PCDH17: variants seen among roughly 807,000 people sequenced by gnomAD.
The protein encoded by PCDH17 is protocadherin-17.
A neutral mutation model predicts 67.7 loss-of-function variants in PCDH17; 21 were observed. That is an observed-to-expected ratio of 0.31 (90% confidence interval 0.22 to 0.45). The LOEUF (loss-of-function observed/expected upper bound fraction) is 0.45. PCDH17 is among the 20% of genes least tolerant of loss of function. The pLI is 1.00. For missense variants in PCDH17, 1,471 were observed against 1,564.8 expected, an observed-to-expected ratio of 0.94 and a Z score of 1.01; for synonymous variants, 701 against 656.7, an observed-to-expected ratio of 1.07 and a Z score of -1.03.
chr13:57,666,280 C>T (rs752743074), intron 1 of PCDH17, among the ~76,000 whole-genome samples, 188 bp from the exon 2 acceptor site: 1 of 151,944 alleles, frequency 6.6e-6, no homozygotes, highest in African/African-American at 2.4e-5. Context: ...ATTTGTGGAC[C>T]GGAATCATTT....
Position 57,727,694 on chromosome 13 carries a change from A to G in PCDH17, c.*2400A>G, listed in dbSNP as rs563029323. The G allele has an allele frequency of 6.6e-6, 1 of 152,258 alleles. No homozygotes were observed. Among genetic ancestry groups the G allele is most frequent in the East Asian group, 1.9e-4 (1 of 5,178 alleles). The allele number at this position is 152,258 out of a possible 1,614,324, so 9.4% of individuals were successfully genotyped here. A position where few individuals can be genotyped will look rare whatever the true frequency, so the allele number is the denominator to read the frequency against. ...TGACTCTCTATATTTTGGACAATTT[A>G]TGTATCTGAAATGTGTTGTCTCTGT... On this transcript the variant is annotated 3_prime_UTR_variant, in exon 4 of 4. Coordinates refer to ENST00000377918, the MANE Select transcript of PCDH17 (RefSeq NM_001040429.3).
chr13:57,703,309 A>G (rs1189142566), intron 3 of PCDH17, among the ~76,000 whole-genome samples: 1 of 152,142 alleles, frequency 6.6e-6, no homozygotes, highest in Non-Finnish European at 1.5e-5. Flanking sequence ...CTTATAGATA[A>G]TTTGGGGTGC....
chr13:57,697,001 A>T (rs1955616339), intron 3 of PCDH17, among the ~76,000 whole-genome samples: 1 of 151,600 alleles, frequency 6.6e-6, no homozygotes, highest in Non-Finnish European at 1.5e-5. Context: ...TGTATTTTTA[A>T]GTAGGCTTGA....
At chr13:57,712,185 T>G (rs1593946629) in intron 3 of PCDH17, among the ~76,000 whole-genome samples, 2 of 151,848 alleles carry the variant, frequency 1.3e-5, no homozygotes, top group East Asian at 1.9e-4. Flanking sequence ...GTAGTTCACT[T>G]ATGGGTAGAC....
At chr13:57,647,856 G>T (rs1167702688) in intron 1 of PCDH17, among the ~76,000 whole-genome samples, 3 of 151,822 alleles carry the variant, frequency 2.0e-5, no homozygotes, top group Non-Finnish European at 4.4e-5. Context: ...TACTCCTGAA[G>T]AATAGAATGC....
intron 3 of PCDH17, among the ~76,000 whole-genome samples, chr13:57,672,847 A>C (rs895363451): frequency 2.6e-5 from 4 of 151,950 alleles, no homozygotes; most frequent in African/African-American, 9.7e-5. Context: ...GAGAGGGTCG[A>C]GATGCTTATT....
rs1033235260 is a variant in PCDH17 at position 57,632,431 on chromosome 13, C to T, written c.-116C>T. 1.0e-4 allele frequency: 107 copies of T among 1,046,116 alleles called. 1 individual carries two copies. The highest frequency in any genetic ancestry group is 1.4e-4 in the Non-Finnish European group (100 of 717,506). 64.8% of individuals were successfully genotyped at this position (1,046,116 alleles called of 1,614,324 possible). ...TCGGGTGCAGAGGGAAAAAAGGACC[C>T]ATAGACTTGTGGCTCGCGTCGCGCG... is the stretch of plus-strand genomic sequence containing the variant. On this transcript the variant is annotated 5_prime_UTR_variant, in exon 1 of 4. Transcript: ENST00000377918.
At chr13:57,673,798 G>A (rs1485951416) in intron 3 of PCDH17, among the ~76,000 whole-genome samples, 1 of 151,884 alleles carries the variant, frequency 6.6e-6, no homozygotes, top group African/African-American at 2.4e-5. Flanking sequence ...GCCCTGTAAG[G>A]TTTTACTAGA....
At chr13:57,700,911 C>T (rs1955657229) in intron 3 of PCDH17, among the ~76,000 whole-genome samples, 1 of 151,978 alleles carries the variant, frequency 6.6e-6, no homozygotes, top group Non-Finnish European at 1.5e-5. Context: ...TGCTTGTACT[C>T]CCAACTACGT....
chr13:57,638,778 A>G (rs983112000), intron 1 of PCDH17, among the ~76,000 whole-genome samples: 6 of 152,004 alleles, frequency 3.9e-5, no homozygotes, highest in South Asian at 2.1e-4. Context: ...AATAAACTCA[A>G]TATTGCAGAG....
intron 3 of PCDH17, among the ~76,000 whole-genome samples, chr13:57,697,223 G>T (rs1955618910): frequency 6.6e-6 from 1 of 151,482 alleles, no homozygotes; most frequent in African/African-American, 2.4e-5. Flanking sequence ...ATCTCATATG[G>T]CTAGACAGAG....
In PCDH17 at chr13:57,728,325, T is replaced by G. The variant is rs1955929364; in HGVS notation, c.*3031T>G. The G allele has an allele frequency of 6.6e-6, 1 of 152,136 alleles. No individual in the cohort carries two copies. Among genetic ancestry groups the G allele is most frequent in the Non-Finnish European group, 1.5e-5 (1 of 67,930 alleles). 9.4% of individuals were successfully genotyped at this position (152,136 alleles called of 1,614,324 possible). ...GAAGGGGTTTTAACATAATTTAGAA[T>G]GTGAAAAAAATATCAATTCATATCT... On this transcript the variant is annotated 3_prime_UTR_variant, in exon 4 of 4. Coordinates refer to ENST00000377918, the MANE Select transcript of PCDH17 (RefSeq NM_001040429.3).
chr13:57,649,520 A>G (rs936971095), intron 1 of PCDH17, among the ~76,000 whole-genome samples: 3 of 152,204 alleles, frequency 2.0e-5, no homozygotes, highest in African/African-American at 7.2e-5. Context: ...AAGACCATGC[A>G]TCTCTGCTCT....
intron 3 of PCDH17, among the ~76,000 whole-genome samples, chr13:57,686,411 GCATAA>G (rs1359117608): frequency 6.6e-6 from 1 of 151,930 alleles, no homozygotes; most frequent in African/African-American, 2.4e-5. Context: ...TAAGGGAGAA[GCATAA>G]CATAATTAAT....
intron 3 of PCDH17, among the ~76,000 whole-genome samples, chr13:57,698,287 A>T (rs9597590): frequency 0.82 from 124,119 of 151,518 alleles, 51,355 homozygotes; most frequent in African/African-American, 0.94. Context: ...AGTTATTTTT[A>T]AAAAATAACT....
intron 1 of PCDH17, among the ~76,000 whole-genome samples, chr13:57,654,109 G>A (rs1449504384): frequency 6.6e-6 from 1 of 152,088 alleles, no homozygotes; most frequent in East Asian, 1.9e-4. Flanking sequence ...GCAGGAATGT[G>A]CAGAGTAAAA....
At chr13:57,706,431 AT>A (rs1183825877) in intron 3 of PCDH17, among the ~76,000 whole-genome samples, 1 of 152,088 alleles carries the variant, frequency 6.6e-6, no homozygotes, top group African/African-American at 2.4e-5. Flanking sequence ...CTATGTAGGC[AT>A]TTTATATTTT....
At chr13:57,650,913 A>G (rs981992011) in intron 1 of PCDH17, among the ~76,000 whole-genome samples, 2 of 152,210 alleles carry the variant, frequency 1.3e-5, no homozygotes, top group Non-Finnish European at 2.9e-5. Context: ...TATAATCTTT[A>G]CTTATTCTAC....
intron 1 of PCDH17, among the ~76,000 whole-genome samples, chr13:57,653,159 T>A (rs1955062747): frequency 6.6e-6 from 1 of 152,130 alleles, no homozygotes; most frequent in South Asian, 2.1e-4. Context: ...TTATTTAATT[T>A]TATTAAATTT....
Sources: allele counts gnomAD v4.1 joint callset (sites outside exome capture counted in the v4.1 genomes callset), GRCh38; gene constraint gnomAD v4.1.1; transcripts MANE v1.5; gene names NCBI Gene and HGNC (gene_info 2026-07-23, HGNC 2026-07-21).